The following RUNX3 variants were observed in gnomAD, a reference collection of about 807,000 sequenced individuals.
RUNX3 encodes the protein RUNX family transcription factor 3, also known as runt-related transcription factor 3.
A neutral mutation model predicts 27.7 loss-of-function variants in RUNX3; 10 were observed. The ratio of observed to expected loss-of-function variants is 0.36; its 90% CI spans 0.22 to 0.61. The LOEUF is 0.61. Among genes scored for constraint, RUNX3 ranks in the 20% least tolerant of loss-of-function variants. The pLI is 0.72. For missense variants in RUNX3, 469 were observed against 629.5 expected (o/e 0.75, Z 2.73); for synonymous variants, 270 against 269.2 (o/e 1.00, Z -0.03).
intron 4 of RUNX3, among the ~76,000 whole-genome samples, chr1:24,905,231 C>T (rs1267221771): frequency 1.3e-5 from 2 of 152,162 alleles, no homozygotes; most frequent in African/African-American, 4.8e-5. Flanking sequence ...CCTAGGTCTG[C>T]CAGCAACCCC....
intron 3 of RUNX3, among the ~76,000 whole-genome samples, chr1:24,913,669 G>A (rs999979745): frequency 5.3e-5 from 8 of 152,216 alleles, no homozygotes; most frequent in Non-Finnish European, 1.2e-4. Context: ...CCAGTCTGGG[G>A]ACTCACCAGG....
rs993491818 is a variant in RUNX3 at position 24,901,028 on chromosome 1, GTTTTTTTGTTTTTT to G, written c.*1080_*1093del. On this transcript the variant is annotated 3_prime_UTR_variant, in exon 5 of 5. Transcript: ENST00000308873. Reference sequence around the variant, plus strand: ...TTAAAAACTGTTTTGTTTTTTTTTTGTTTTTTTGTTTTTTTTTTTTTTTTGCTCAGGACTATTTG... The same window carrying G: ...TTAAAAACTGTTTTGTTTTTTTTTTGTTTTTTTTTTGCTCAGGACTATTTG... 2 of 123,574 alleles carry G rather than the reference GTTTTTTTGTTTTTT, an allele frequency of 1.6e-5. No homozygotes were observed. The highest frequency in any genetic ancestry group is 6.9e-5 in the African/African-American group (2 of 28,882). 7.7% of individuals were successfully genotyped at this position (123,574 alleles called of 1,614,324 possible).
rs759924278 is a variant in RUNX3 at position 24,902,580 on chromosome 1, G to C, written c.790C>G (p.Pro264Ala). The C allele has an allele frequency of 1.9e-6, 3 of 1,567,028 alleles. No individual in the cohort carries two copies. The Admixed American group carries it at 5.4e-5, about 28-fold the overall frequency. Residue 264 changes from proline to alanine, a missense_variant, in exon 5 of 5, where the codon CCA becomes GCA. Physicochemically the swap from Pro to Ala is conservative, Grantham distance 27. Around this residue, in one of 3 missense-constraint regions of RUNX3, gnomAD observed 279 missense variants for 343.0 expected, o/e 0.81. Transcript: ENST00000308873. This position sits in a 1 kb window ranked among gnomAD's most constrained non-coding sequence, Gnocchi z 9.2. The stretch of plus-strand genomic sequence containing the variant: ...CCGGGATAATGCATCCTGGGGTCTG[G>C]GAAGCGGCTCTCCGTGAGGGTTGGC... ...TLPTLTESRF[P>A]DPRMHYPGAM... is the part of the protein sequence containing the mutation.
intron 2 of RUNX3, among the ~76,000 whole-genome samples, chr1:24,948,542 G>A (rs781757275): frequency 6.6e-6 from 1 of 152,016 alleles, no homozygotes; most frequent in Non-Finnish European, 1.5e-5. Context: ...CAGGGAAGGG[G>A]TACATGCAGG....
rs1641175401 is a variant in RUNX3 at position 24,929,674 on chromosome 1, C to G, written c.195G>C (p.Glu65Asp). ...MVDVLADHAGELVRTDSPNFL... is the reference protein window; with the variant it reads ...MVDVLADHAGDLVRTDSPNFL... ...AGTTGGGGCTGTCGGTGCGCACGAGCTCGCCTGCGTGGTCCGCCAGCACGT... is the reference window on the plus strand; with the variant it reads ...AGTTGGGGCTGTCGGTGCGCACGAGGTCGCCTGCGTGGTCCGCCAGCACGT... The change falls in exon 1 of 5, where the codon GAG (glutamate) becomes GAC (aspartate). Residue 65 changes from glutamate to aspartate, a missense_variant. Physicochemically the swap from Glu to Asp is conservative, Grantham distance 45 (BLOSUM62 2). Transcript: ENST00000308873. 2 of 1,596,744 alleles carry G rather than the reference C, an allele frequency of 1.3e-6. No individual in the cohort carries two copies. Among genetic ancestry groups the G allele is most frequent in the Non-Finnish European group, 1.7e-6 (2 of 1,175,702 alleles).
intron 2 of RUNX3, among the ~76,000 whole-genome samples, chr1:24,919,786 A>G (rs1003311886): frequency 2.0e-5 from 3 of 150,224 alleles, no homozygotes. Flanking sequence ...CTGGAGATAG[A>G]CACCGTTACC....
At chr1:24,960,334 C>T (rs1267864586) in intron 2 of RUNX3, among the ~76,000 whole-genome samples, 2 of 152,196 alleles carry the variant, frequency 1.3e-5, no homozygotes, top group Middle Eastern at 3.2e-3. Flanking sequence ...TGGTGTAACC[C>T]CTACAGATGA....
chr1:24,933,458 C>A (rs771965629), upstream of RUNX3, among the ~76,000 whole-genome samples: 3 of 152,116 alleles, frequency 2.0e-5, no homozygotes, highest in Non-Finnish European at 4.4e-5. Flanking sequence ...TTGACCCACC[C>A]CTCCTCTCTC....
rs1641176699 is a variant in RUNX3, at chr1:24,929,711, C to T, written c.158G>A (p.Arg53His). 3.2e-6 allele frequency: 5 copies of T among 1,544,742 alleles called. No individual in the cohort carries two copies. ...GTCCGCCAGCACGTCCACCATCGAG[C>T]GCACCTCGGGCCGGGCGCGCCCTCC... The part of the protein sequence containing the change: ...GPGGRARPEV[R>H]SMVDVLADHA... The change falls in exon 1 of 5, where the codon CGC becomes CAC. Residue 53 changes from arginine to histidine, a missense_variant. This residue lies in a region of RUNX3 where 115 missense variants were observed against 118.0 expected (regional missense o/e 0.97). Coordinates refer to ENST00000308873, the MANE Select transcript of RUNX3 (RefSeq NM_004350.3).
chr1:24,947,924 C>T (rs931573506), intron 2 of RUNX3, among the ~76,000 whole-genome samples: 3 of 152,346 alleles, frequency 2.0e-5, no homozygotes, highest in East Asian at 1.9e-4. Context: ...CTGCCTCCTC[C>T]GCTTCTACCT....
At chr1:24,912,579 CAAAACGGCAGCAGATGCT>C in intron 3 of RUNX3, among the ~76,000 whole-genome samples, 1 of 152,168 alleles carries the variant, frequency 6.6e-6, no homozygotes, top group South Asian at 2.1e-4. Flanking sequence ...TGGAAATCAT[CAAAACGGCAGCAGATGCT>C]TGCTGGGTGC....
chr1:24,956,697 G>C (rs540293125), intron 2 of RUNX3, among the ~76,000 whole-genome samples: 12 of 152,200 alleles, frequency 7.9e-5, no homozygotes, highest in Non-Finnish European at 1.8e-4. Context: ...CAGAACTCAG[G>C]CTTGAGGAAG....
chr1:24,936,039 T>C (rs1211617890), intron 2 of RUNX3, among the ~76,000 whole-genome samples: 1 of 152,196 alleles, frequency 6.6e-6, no homozygotes, highest in African/African-American at 2.4e-5. Context: ...CGTGCAGAGC[T>C]ACCTGCCAGC....
At position 24,924,791 on chromosome 1, in the gene RUNX3, T is replaced by C. The variant is rs1446519544; in HGVS notation, c.439+2783A>G. On this transcript the variant is annotated intron_variant, in intron 2 of 4. Transcript: ENST00000308873. ...ATTATTTATACATTTCAACGTAGAA[T>C]AGTAAGGCTTGATATAAAATATGTA... Among the ~76,000 whole-genome samples the C allele has an allele frequency of 1.3e-5, 2 of 152,234 alleles. 1 individual carries two copies. The highest frequency in any genetic ancestry group is 2.9e-5 in the Non-Finnish European group (2 of 68,040).
chr1:24,934,852 G>C (rs941501427), upstream of RUNX3, among the ~76,000 whole-genome samples: 1 of 152,130 alleles, frequency 6.6e-6, no homozygotes, highest in African/African-American at 2.4e-5. Flanking sequence ...GAGGGAGCTG[G>C]GTTTGGTAAA....
At chr1:24,959,364 C>T (rs922390458) in intron 2 of RUNX3, among the ~76,000 whole-genome samples, 3 of 152,178 alleles carry the variant, frequency 2.0e-5, no homozygotes, top group Non-Finnish European at 4.4e-5. Context: ...GCACTTTGGA[C>T]AGGCAGGGTG....
chr1:24,915,800 C>T (rs893206166), intron 3 of RUNX3, among the ~76,000 whole-genome samples: 10 of 152,084 alleles, frequency 6.6e-5, no homozygotes, highest in African/African-American at 2.4e-4. Flanking sequence ...CGGGCACAGG[C>T]TAGGGGGGCG....
At chr1:24,957,930 C>T (rs1450561559) in intron 2 of RUNX3, among the ~76,000 whole-genome samples, 1 of 152,248 alleles carries the variant, frequency 6.6e-6, no homozygotes, top group East Asian at 1.9e-4. Flanking sequence ...GAGTGCCTTC[C>T]TTTATCCCTG....
chr1:24,924,271 G>C (rs1641056532), intron 2 of RUNX3, among the ~76,000 whole-genome samples: 1 of 152,096 alleles, frequency 6.6e-6, no homozygotes, highest in South Asian at 2.1e-4. Context: ...CAGCTATTGA[G>C]GTGGGAGGAC....
Sources: allele counts gnomAD v4.1 joint callset (sites outside exome capture counted in the v4.1 genomes callset), GRCh38; gene constraint gnomAD v4.1.1; regional missense constraint gnomAD v4.1.1; non-coding constraint Gnocchi (gnomAD v3.1); transcripts MANE v1.5; gene names NCBI Gene and HGNC (gene_info 2026-07-23, HGNC 2026-07-21).